The following KIF21A variants were observed in gnomAD, a reference collection of about 807,000 sequenced individuals.
The protein encoded by KIF21A is kinesin-like protein KIF21A.
A neutral mutation model predicts 202.9 loss-of-function variants in KIF21A; 114 were observed. The observed-to-expected ratio is 0.56, with a 90% confidence interval of 0.48 to 0.66. The LOEUF is 0.66. KIF21A is among the 30% of genes least tolerant of loss of function. The probability of loss-of-function intolerance (pLI) is 0.00; values close to 1 mark genes in which losing one functional copy is unlikely to be tolerated. For missense variants in KIF21A, 1,677 were observed against 1,994.9 expected (o/e 0.84, Z 3.04); for synonymous variants, 667 against 670.8 (o/e 0.99, Z 0.09).
chr12:39,442,249 T>C lies in KIF21A; in HGVS notation c.44+678A>G, dbSNP rs76297884. Among the ~76,000 whole-genome samples the C allele has an allele frequency of 4.2e-3, 633 of 152,246 alleles. 3 individuals are homozygous for C. The highest frequency in any genetic ancestry group is 6.3e-3 in the Non-Finnish European group (431 of 68,014). ...TCACCCTTCCTCTGGCTAAAGAGTT[T>C]TCCTCCTTCTGTAGACCTCTCCCCA... On this transcript the variant is annotated intron_variant, in intron 1 of 37. Transcript: ENST00000361418. This position sits in a 1 kb window ranked among gnomAD's most constrained non-coding sequence, Gnocchi z 5.0.
chr12:39,373,001 C>G (rs745376606), intron 1 of KIF21A, among the ~76,000 whole-genome samples: 1 of 152,146 alleles, frequency 6.6e-6, no homozygotes, highest in Non-Finnish European at 1.5e-5. Flanking sequence ...CAACACCACC[C>G]TAATGAAGGC....
At chr12:39,422,423 G>A (rs1954376214) in intron 1 of KIF21A, among the ~76,000 whole-genome samples, 1 of 152,140 alleles carries the variant, frequency 6.6e-6, no homozygotes, top group South Asian at 2.1e-4. Context: ...AATAATATCA[G>A]ATGATAAGAC....
intron 14 of KIF21A, 126 bp from the exon 15 acceptor site, chr12:39,341,220 T>G: frequency 1.2e-6 from 1 of 861,282 alleles, no homozygotes; most frequent in South Asian, 1.6e-5. Flanking sequence ...TTAGAAAAAT[T>G]TCCTGGAAAA....
At chr12:39,323,046 T>C (rs1419883806) in intron 26 of KIF21A, among the ~76,000 whole-genome samples, 164 bp from the exon 27 acceptor site, 6 of 137,616 alleles carry the variant, frequency 4.4e-5, no homozygotes, top group African/African-American at 1.9e-4. Flanking sequence ...CAGAGCTATA[T>C]AGCTAGATAA....
At chr12:39,375,578 A>G (rs940390210) in intron 1 of KIF21A, among the ~76,000 whole-genome samples, 2 of 152,106 alleles carry the variant, frequency 1.3e-5, no homozygotes, top group African/African-American at 2.4e-5. Context: ...CACAGCAACC[A>G]TATAATAGGG....
chr12:39,323,337 A>AG (rs1389979105), intron 26 of KIF21A, among the ~76,000 whole-genome samples: 1 of 149,720 alleles, frequency 6.7e-6, no homozygotes, highest in East Asian at 2.0e-4. Context: ...AAAGAAAAGA[A>AG]AAAGAAGAAG....
intron 1 of KIF21A, among the ~76,000 whole-genome samples, chr12:39,371,263 AT>A (rs1949936546): frequency 6.6e-6 from 1 of 152,188 alleles, no homozygotes; most frequent in Non-Finnish European, 1.5e-5. Context: ...AAAGAAATAA[AT>A]TAAAAATGAA....
intron 1 of KIF21A, among the ~76,000 whole-genome samples, chr12:39,393,512 T>C (rs1406372202): frequency 6.6e-6 from 1 of 152,192 alleles, no homozygotes; most frequent in African/African-American, 2.4e-5. Flanking sequence ...AACTCCATTA[T>C]GTGTCACCTT....
At chr12:39,347,397 G>C (rs968453025) in intron 11 of KIF21A, among the ~76,000 whole-genome samples, 2 of 151,992 alleles carry the variant, frequency 1.3e-5, no homozygotes, top group South Asian at 2.1e-4. Context: ...CTGTATACCA[G>C]TATTTGTCAT....
At chr12:39,342,775 G>T (rs1193117178) in intron 12 of KIF21A, among the ~76,000 whole-genome samples, 1 of 152,060 alleles carries the variant, frequency 6.6e-6, no homozygotes, top group African/African-American at 2.4e-5. Context: ...CCCTTTGATT[G>T]AATAGAAAAT....
intron 15 of KIF21A, 23 bp from the exon 16 acceptor site, chr12:39,340,387 T>C: frequency 6.4e-7 from 1 of 1,552,708 alleles, no homozygotes; most frequent in South Asian, 1.1e-5. Context: ...AGGACATTTT[T>C]ATATGTTTTT....
At chr12:39,330,643 G>A (rs1175250070) in intron 23 of KIF21A, 103 bp downstream of exon 23, 2 of 939,652 alleles carry the variant, frequency 2.1e-6, no homozygotes, top group Non-Finnish European at 3.4e-6. Flanking sequence ...AGTAAATATA[G>A]CATCTATTCA....
chr12:39,326,390 C>G (rs1945916015), intron 24 of KIF21A, 66 bp from the exon 25 acceptor site: 2 of 1,079,910 alleles, frequency 1.9e-6, no homozygotes, highest in Non-Finnish European at 2.8e-6. Context: ...GACTGCAATC[C>G]ATAGGCTGTA....
At chr12:39,436,466 C>G in intron 1 of KIF21A, among the ~76,000 whole-genome samples, 1 of 79,592 alleles carries the variant, frequency 1.3e-5, no homozygotes, top group Admixed American at 1.3e-4. Context: ...TTTTTTTAGA[C>G]AGGGTTTCAT....
chr12:39,386,249 T>C (rs1326401811), intron 1 of KIF21A, among the ~76,000 whole-genome samples: 1 of 152,160 alleles, frequency 6.6e-6, no homozygotes, highest in Non-Finnish European at 1.5e-5. Flanking sequence ...CCTCTTTTTT[T>C]CTTCTTTTTC....
Position 39,294,278 on chromosome 12 carries a change from C to T in KIF21A, c.*146G>A, listed in dbSNP as rs1942083320. The T allele has an allele frequency of 1.5e-6, 1 of 660,830 alleles. No individual in the cohort carries two copies. The highest frequency in any genetic ancestry group is 1.8e-5 in the African/African-American group (1 of 55,960). 40.9% of individuals were successfully genotyped at this position (660,830 alleles called of 1,614,324 possible). Reference sequence around the variant, plus strand: ...GATAGTACACAATTTTATTAGAATACCATTTATAGTCAGCAGTTGAATTCA... The same window carrying T: ...GATAGTACACAATTTTATTAGAATATCATTTATAGTCAGCAGTTGAATTCA... On this transcript the variant is annotated 3_prime_UTR_variant, in exon 38 of 38. Transcript: ENST00000361418.
chr12:39,366,972 C>A, intron 5 of KIF21A, 58 bp downstream of exon 5: 2 of 1,458,086 alleles, frequency 1.4e-6, no homozygotes, highest in Middle Eastern at 1.7e-4. Context: ...TCAGAGAATT[C>A]ATGTGGTTTT....
At chr12:39,317,947 T>C in intron 29 of KIF21A, 126 bp downstream of exon 29, 2 of 962,468 alleles carry the variant, frequency 2.1e-6, no homozygotes, top group Admixed American at 1.9e-5. Context: ...ATGCATAAAA[T>C]ATGGCAAGAG....
intron 1 of KIF21A, among the ~76,000 whole-genome samples, chr12:39,421,847 T>C (rs1452164800): frequency 6.8e-6 from 1 of 147,466 alleles, no homozygotes; most frequent in Non-Finnish European, 1.5e-5. Context: ...TAATTACATA[T>C]ATAATTTATA....
Sources: gnomAD v4.1 joint callset for allele counts (sites outside exome capture counted in the v4.1 genomes callset) on GRCh38, gnomAD v4.1.1 for gene constraint, Gnocchi (gnomAD v3.1) non-coding constraint, MANE v1.5 for transcripts, NCBI Gene and HGNC (gene_info 2026-07-23, HGNC 2026-07-21) for gene names.